Variants in ANO7 observed in about 807,000 individuals in gnomAD.
The protein encoded by ANO7 is anoctamin 7, also known as anoctamin-7.
A neutral mutation model predicts 115.8 loss-of-function variants in ANO7; 114 were observed. The observed-to-expected ratio is 0.98, with a 90% confidence interval of 0.85 to 1.15. The LOEUF (loss-of-function observed/expected upper bound fraction) is 1.15. ANO7 is among the 50% of genes most tolerant of loss of function. The pLI is 0.00. For synonymous variants in ANO7, 550 were observed against 498.2 expected, an observed-to-expected ratio of 1.10 and a Z score of -1.38; for missense variants, 1,302 against 1,201.2, an observed-to-expected ratio of 1.08 and a Z score of -1.24.
chr2:241,231,803 C>T, the ANO7 span, among the ~76,000 whole-genome samples: 1 of 152,096 alleles, frequency 6.6e-6, no homozygotes, highest in Non-Finnish European at 1.5e-5. Context: ...GAGAAGGAAA[C>T]GTGGTAACAA....
chr2:241,234,028 C>T, the ANO7 span: 8 of 1,576,588 alleles, frequency 5.1e-6, no homozygotes, highest in South Asian at 1.1e-5. Context: ...CTCCATTCCC[C>T]TTCCACCCTG....
chr2:241,192,218 G>A (rs140913644), intron 3 of ANO7, among the ~76,000 whole-genome samples: 9,403 of 152,236 alleles, frequency 0.062, 677 homozygotes, highest in African/African-American at 0.17. Context: ...CCAGCTACTC[G>A]GGAGGCTGAG....
downstream of ANO7, chr2:241,230,074 C>G (rs1477570951): frequency 3.2e-6 from 5 of 1,584,664 alleles, no homozygotes; most frequent in Admixed American, 8.5e-5. This position sits in a 1 kb window ranked among gnomAD's most constrained non-coding sequence, Gnocchi z 5.0. Context: ...GCCACCTTGT[C>G]CCCTGAAGCT....
At chr2:241,223,348 C>T (rs769571644) in intron 22 of ANO7, 72 bp downstream of exon 22, 2 of 1,543,818 alleles carry the variant, frequency 1.3e-6, no homozygotes, top group South Asian at 1.1e-5. Context: ...CTAATTCGAG[C>T]ACGTGGTGAG....
chr2:241,191,351 A>C, intron 3 of ANO7, 100 bp downstream of exon 3: 1 of 1,455,444 alleles, frequency 6.9e-7, no homozygotes. Flanking sequence ...TAGCCTCCTC[A>C]GTAGCCACTC....
intron 15 of ANO7, among the ~76,000 whole-genome samples, chr2:241,211,722 T>A (rs1274638117): frequency 1.3e-5 from 2 of 152,152 alleles, no homozygotes; most frequent in African/African-American, 4.8e-5. Flanking sequence ...TGAGCCTCCC[T>A]CTTTCCCTCC....
intron 1 of ANO7, among the ~76,000 whole-genome samples, chr2:241,189,398 C>T (rs567831134): frequency 6.6e-6 from 1 of 152,264 alleles, no homozygotes; most frequent in South Asian, 2.1e-4. Flanking sequence ...AGCCCCAGCT[C>T]GAACCCTCTC....
chr2:241,234,368 G>A, the ANO7 span, among the ~76,000 whole-genome samples: 30 of 152,302 alleles, frequency 2.0e-4, no homozygotes, highest in Non-Finnish European at 3.5e-4. Context: ...AGAAGAGGGG[G>A]CAGCCACAGC....
In ANO7 at chr2:241,223,251, G is replaced by C. The variant is rs748448180; in HGVS notation, c.2387G>C (p.Arg796Pro). 1.9e-6 allele frequency: 3 copies of C among 1,614,086 alleles called. No individual in the cohort carries two copies. Among genetic ancestry groups the C allele is most frequent in the East Asian group, 2.2e-5 (1 of 44,904 alleles). The change falls in exon 22 of 25, where the codon CGC becomes CCC. Residue 796 changes from arginine to proline, a missense_variant. Coordinates refer to ENST00000674324, the MANE Select transcript of ANO7 (RefSeq NM_001370694.2). ...SQTYWNLLAIRLAFVIVFEHV... is the reference protein window; with the variant it reads ...SQTYWNLLAIPLAFVIVFEHV... Reference sequence around the variant, plus strand: ...ACCTACTGGAATCTTCTTGCCATCCGCCTGGCCTTCGTCATTGTGTTTGAG... The same window carrying C: ...ACCTACTGGAATCTTCTTGCCATCCCCCTGGCCTTCGTCATTGTGTTTGAG...
In ANO7 at chr2:241,195,723, G is replaced by A. The variant is rs1559439895; in HGVS notation, c.187G>A (p.Glu63Lys). The change falls in exon 4 of 25, where the codon GAG (glutamate) becomes AAG (lysine). Residue 63 changes from glutamate to lysine, a missense_variant. Physicochemically the swap from Glu to Lys is moderately conservative, Grantham distance 56. Coordinates refer to ENST00000674324, the MANE Select transcript of ANO7 (RefSeq NM_001370694.2). ...CCCAGCAGACTTCGTCCTCGTTTGGGAGGAGGACCTGAAGCTAGACAGGCA... is the reference window on the plus strand; with the variant it reads ...CCCAGCAGACTTCGTCCTCGTTTGGAAGGAGGACCTGAAGCTAGACAGGCA... ...PRIADFVLVW[E>K]EDLKLDRQQD... The A allele has an allele frequency of 1.2e-6, 2 of 1,614,234 alleles. No individual in the cohort carries two copies. The highest frequency in any genetic ancestry group is 1.1e-5 in the South Asian group (1 of 91,088).
At chr2:241,194,836 GCA>G (rs2068285916) in intron 3 of ANO7, among the ~76,000 whole-genome samples, 2 of 152,190 alleles carry the variant, frequency 1.3e-5, no homozygotes, top group South Asian at 2.1e-4. Context: ...TTGTTACTCT[GCA>G]CAGTTTCAGG....
chr2:241,235,376 C>A, the ANO7 span: 2 of 1,501,764 alleles, frequency 1.3e-6, no homozygotes, highest in East Asian at 2.3e-5. Context: ...AAGTCAGTGC[C>A]CAGTCCGAGC....
intron 3 of ANO7, among the ~76,000 whole-genome samples, chr2:241,191,637 C>T (rs2068205642): frequency 6.6e-6 from 1 of 152,118 alleles, no homozygotes; most frequent in South Asian, 2.1e-4. Flanking sequence ...AACCCACTGC[C>T]TCTGTCTGCC....
At chr2:241,230,816 G>A (rs765901954), downstream of ANO7, 15 of 1,614,114 alleles carry the variant, frequency 9.3e-6, no homozygotes, top group Admixed American at 8.3e-5. This position sits in a 1 kb window ranked among gnomAD's most constrained non-coding sequence, Gnocchi z 5.0. Flanking sequence ...TGATGCGGGC[G>A]TGAACGCGGT....
intron 21 of ANO7, among the ~76,000 whole-genome samples, chr2:241,222,465 G>A (rs1054362716): frequency 3.3e-5 from 5 of 151,890 alleles, no homozygotes; most frequent in Non-Finnish European, 5.9e-5. Flanking sequence ...GGGTGGTCTC[G>A]TCGTCACTGT....
chr2:241,199,505 T>G, intron 5 of ANO7, 82 bp downstream of exon 5: 1 of 1,392,486 alleles, frequency 7.2e-7, no homozygotes, highest in Non-Finnish European at 1.0e-6. Flanking sequence ...GCCGACAGCC[T>G]CAGGAGGGCT....
intron 21 of ANO7, among the ~76,000 whole-genome samples, chr2:241,219,015 C>G (rs1574797348): frequency 6.6e-6 from 1 of 152,236 alleles, no homozygotes; most frequent in Admixed American, 6.5e-5. Context: ...CTGTTTCTTT[C>G]CAGCTTTTTG....
chr2:241,215,062 G>A (rs759486733), intron 18 of ANO7, among the ~76,000 whole-genome samples, 160 bp downstream of exon 18: 10 of 152,196 alleles, frequency 6.6e-5, no homozygotes, highest in Non-Finnish European at 1.5e-4. Flanking sequence ...CGTCTGCCCC[G>A]GGCTCTGGGC....
chr2:241,215,963 C>G, intron 18 of ANO7, 130 bp from the exon 19 acceptor site: 1 of 1,188,806 alleles, frequency 8.4e-7, no homozygotes, highest in Non-Finnish European at 1.2e-6. Flanking sequence ...AGCCCCAGAC[C>G]CCATCCCTCC....
Sources: allele counts gnomAD v4.1 joint callset (sites outside exome capture counted in the v4.1 genomes callset), GRCh38; gene constraint gnomAD v4.1.1; non-coding constraint Gnocchi (gnomAD v3.1); transcripts MANE v1.5; gene names NCBI Gene and HGNC (gene_info 2026-07-23, HGNC 2026-07-21).